Variants in APC observed in about 807,000 individuals in gnomAD.
The protein encoded by APC is adenomatous polyposis coli protein.
A neutral mutation model predicts 247.0 loss-of-function variants in APC; 72 were observed. That is an observed-to-expected ratio of 0.29 (90% CI 0.24 to 0.35). The LOEUF is 0.35. Among genes scored for constraint, APC ranks in the 10% least tolerant of loss-of-function variants. The pLI is 1.00. For synonymous variants in APC, 1,254 were observed against 1,162.5 expected, an observed-to-expected ratio of 1.08 and a Z score of -1.60; for missense variants, 3,400 against 3,360.7, an observed-to-expected ratio of 1.01 and a Z score of -0.29.
At position 112,712,324 on chromosome 5, in the gene APC, T is replaced by C. The variant is rs73791440; in HGVS notation, c.165+4442T>C. On this transcript the variant is annotated intron_variant, in intron 1 of 13. Coordinates refer to the APC transcript ENST00000507379. ...TATATACTACCCTAAGTTTAACTCA[T>C]ACTAAACTGAGTCAGTTTGATCTCT... Among the ~76,000 whole-genome samples the C allele has an allele frequency of 7.1e-3, 1,084 of 152,310 alleles. 20 individuals carry two copies. The highest frequency in any genetic ancestry group is 0.025 in the African/African-American group (1,031 of 41,560).
intron 1 of APC, among the ~76,000 whole-genome samples, chr5:112,749,380 C>T (rs182942231): frequency 6.6e-6 from 1 of 151,694 alleles, no homozygotes; most frequent in East Asian, 1.9e-4. Flanking sequence ...ATGATTTGTT[C>T]CTTAAAAGTT....
At chr5:112,835,287 A>G in intron 15 of APC, 122 bp downstream of exon 15, 1 of 849,292 alleles carries the variant, frequency 1.2e-6, no homozygotes, top group Non-Finnish European at 1.9e-6. Context: ...TATTACTGTG[A>G]AAAGATAACT....
chr5:112,793,294 C>T (rs1015804354), intron 7 of APC, among the ~76,000 whole-genome samples: 4 of 151,952 alleles, frequency 2.6e-5, no homozygotes, highest in Non-Finnish European at 4.4e-5. Flanking sequence ...GGGTATCATA[C>T]GAAACACTGA....
In APC at chr5:112,841,278, C is replaced by G. The variant is rs752605851; in HGVS notation, c.5684C>G (p.Thr1895Ser). 1.9e-6 allele frequency: 3 copies of G among 1,613,730 alleles called. No individual in the cohort carries two copies. Among genetic ancestry groups the G allele is most frequent in the Non-Finnish European group, 2.5e-6 (3 of 1,179,734 alleles). ...KENKESEAKV[T>S]SHTELTSNQQ... ...AATAAGGAATCAGAGGCTAAAGTTACCAGCCACACAGAACTAACCTCCAAC... is the reference window on the plus strand; with the variant it reads ...AATAAGGAATCAGAGGCTAAAGTTAGCAGCCACACAGAACTAACCTCCAAC... The change falls in exon 16 of 16, where the codon ACC becomes AGC. Residue 1895 changes from threonine to serine, a missense_variant. This residue lies in a region of APC where 1,788 missense variants were observed against 1,649.5 expected (regional missense o/e 1.08). Coordinates refer to ENST00000257430, the MANE Select transcript of APC (RefSeq NM_000038.6). The surrounding 1 kb of genome is among the most constrained non-coding windows in gnomAD (Gnocchi z 4.6).
chr5:112,804,764 G>A (rs371708293), intron 8 of APC, among the ~76,000 whole-genome samples: 2 of 152,092 alleles, frequency 1.3e-5, no homozygotes, highest in Non-Finnish European at 2.9e-5. Context: ...GAGGCCAAGC[G>A]GGAAGGATTG....
intron 1 of APC, among the ~76,000 whole-genome samples, chr5:112,753,985 C>T (rs919275991): frequency 6.6e-6 from 1 of 152,142 alleles, no homozygotes; most frequent in Non-Finnish European, 1.5e-5. Context: ...AATATAACTC[C>T]TAGCATTCTA....
chr5:112,817,590 A>G (rs191200841), intron 9 of APC, among the ~76,000 whole-genome samples: 1 of 152,356 alleles, frequency 6.6e-6, no homozygotes, highest in African/African-American at 2.4e-5. Context: ...TTTTTACTAT[A>G]AAGAAAATCT....
At chr5:112,723,307 A>G (rs1392077049) in intron 1 of APC, among the ~76,000 whole-genome samples, 1 of 152,030 alleles carries the variant, frequency 6.6e-6, no homozygotes, top group Admixed American at 6.6e-5. Flanking sequence ...ACAAAAAATA[A>G]AAAAATTAGT....
chr5:112,814,826 A>G (rs1762330628), intron 8 of APC, among the ~76,000 whole-genome samples: 1 of 152,190 alleles, frequency 6.6e-6, no homozygotes, highest in Non-Finnish European at 1.5e-5. Context: ...ATTACATTGG[A>G]ACACTCCACG....
rs2149965139 is a variant in APC, at chr5:112,842,043, T to A, written c.6449T>A (p.Leu2150His). Reference protein sequence around the residue: ...SGISLGSPFHLTPDQEEKPFT... With the variant: ...SGISLGSPFHHTPDQEEKPFT... ...ATCTCTCTGGGATCACCATTTCATC[T>A]TACACCTGATCAAGAAGAAAAACCC... Residue 2150 changes from leucine to histidine, a missense_variant, in exon 16 of 16, where the codon CTT becomes CAT. By Grantham distance (99) the Leu-to-His change is moderately conservative. This residue lies in a region of APC where 1,788 missense variants were observed against 1,649.5 expected (regional missense o/e 1.08). Transcript: ENST00000257430. 1 of 1,613,330 alleles carries A rather than the reference T, an allele frequency of 6.2e-7. No individual in the cohort carries two copies. The highest frequency in any genetic ancestry group is 8.5e-7 in the Non-Finnish European group (1 of 1,179,358).
chr5:112,824,306 A>G (rs1171758644), intron 11 of APC, among the ~76,000 whole-genome samples: 1 of 152,212 alleles, frequency 6.6e-6, no homozygotes, highest in Admixed American at 6.5e-5. Flanking sequence ...GTATCAATCC[A>G]GTCATGAATT....
chr5:112,787,754 A>G (rs902430174), intron 6 of APC, among the ~76,000 whole-genome samples: 4 of 152,338 alleles, frequency 2.6e-5, no homozygotes, highest in African/African-American at 9.6e-5. Context: ...TATTAGCCTC[A>G]TAACAAAAAT....
chr5:112,781,850 C>A (rs1758387548), intron 6 of APC, among the ~76,000 whole-genome samples: 1 of 151,724 alleles, frequency 6.6e-6, no homozygotes, highest in African/African-American at 2.4e-5. Context: ...GCCTCCTGGG[C>A]TCAAGCAATG....
chr5:112,722,514 C>G (rs1052763266), intron 1 of APC, among the ~76,000 whole-genome samples: 9 of 152,052 alleles, frequency 5.9e-5, no homozygotes, highest in African/African-American at 2.2e-4. Context: ...CCAGAAATAC[C>G]ATCAGATCCC....
At position 112,838,821 on chromosome 5, in the gene APC, C is replaced by T. The variant is rs766394131; in HGVS notation, c.3227C>T (p.Pro1076Leu). Residue 1076 changes from proline (P) to leucine (L), a missense_variant, in exon 16 of 16, where the codon CCT becomes CTT. Pro to Leu is a moderately conservative substitution (Grantham distance 98). Transcript: ENST00000257430. ...TCAAGGAATCAAAGTACAACTTATC[C>T]TGTTTATACTGAGAGCACTGATGAT... ...RQSRNQSTTY[P>L]VYTESTDDKH... 6.2e-7 allele frequency: 1 copy of T among 1,614,142 alleles called. No homozygotes were observed. The highest frequency in any genetic ancestry group is 1.7e-5 in the Admixed American group (1 of 60,026).
intron 4 of APC, among the ~76,000 whole-genome samples, chr5:112,768,497 C>T (rs1203814150): frequency 6.7e-6 from 1 of 149,226 alleles, no homozygotes; most frequent in Non-Finnish European, 1.5e-5. Context: ...TACAAGTGGC[C>T]ACAAATGAAA....
In APC at chr5:112,846,074, C is replaced by A. The variant is rs1766970145; in HGVS notation, c.*1948C>A. The stretch of plus-strand genomic sequence containing the variant: ...ATGACTTGAGCTAAGATATTTGACT[C>A]CAATGCCTGTACTGTGTCTACTGCA... On this transcript the variant is annotated 3_prime_UTR_variant, in exon 16 of 16. Coordinates refer to ENST00000257430, the MANE Select transcript of APC (RefSeq NM_000038.6). 1 of 232,150 alleles carries A rather than the reference C, an allele frequency of 4.3e-6. No homozygotes were observed. Among genetic ancestry groups the A allele is most frequent in the Non-Finnish European group, 8.5e-6 (1 of 117,486 alleles). 14.4% of individuals were successfully genotyped at this position (232,150 alleles called of 1,614,324 possible). A position where few individuals can be genotyped will look rare whatever the true frequency, so the allele number is the denominator to read the frequency against.
chr5:112,819,381 C>G (rs1483504234), intron 10 of APC, 37 bp downstream of exon 10: 4 of 1,613,428 alleles, frequency 2.5e-6, no homozygotes, highest in Non-Finnish European at 3.4e-6. Context: ...GTGCATGTTT[C>G]AAAGCAAATG....
chr5:112,777,599 G>C (rs757968070), intron 5 of APC: 1 of 169,598 alleles, frequency 5.9e-6, no homozygotes, highest in South Asian at 1.9e-4. Flanking sequence ...CTTCACACTA[G>C]TAAATCAAAA....
Sources: gnomAD v4.1 joint callset for allele counts (sites outside exome capture counted in the v4.1 genomes callset) on GRCh38, gnomAD v4.1.1 for gene constraint, gnomAD v4.1.1 regional missense constraint, Gnocchi (gnomAD v3.1) non-coding constraint, MANE v1.5 for transcripts, NCBI Gene and HGNC (gene_info 2026-07-23, HGNC 2026-07-21) for gene names.